PTK2B: variants seen among roughly 807,000 people sequenced by gnomAD.
PTK2B encodes protein-tyrosine kinase 2-beta.
Under a neutral mutation model 142.9 loss-of-function variants are expected in PTK2B, and 71 were observed. That is an observed-to-expected ratio of 0.50 (90% confidence interval 0.41 to 0.61). PTK2B has a LOEUF of 0.61. Ranked by LOEUF, PTK2B falls within the 20% of genes least tolerant of loss-of-function variation. The pLI is 0.00. For missense variants in PTK2B, 1,105 were observed against 1,320.4 expected, an observed-to-expected ratio of 0.84 and a Z score of 2.53; for synonymous variants, 519 against 503.4, an observed-to-expected ratio of 1.03 and a Z score of -0.42.
chr8:27,457,788 A>G (rs1812225447), intron 30 of PTK2B, among the ~76,000 whole-genome samples: 1 of 152,144 alleles, frequency 6.6e-6, no homozygotes, highest in Non-Finnish European at 1.5e-5. Context: ...CAGCCTGGCC[A>G]ACATGGTGAA....
intron 3 of PTK2B, among the ~76,000 whole-genome samples, chr8:27,313,981 C>T (rs530965324): frequency 2.0e-5 from 3 of 152,196 alleles, no homozygotes; most frequent in Non-Finnish European, 4.4e-5. Context: ...AAACCATCAC[C>T]TGGCATTCTT....
intron 1 of PTK2B, among the ~76,000 whole-genome samples, chr8:27,381,877 GTAGTTTTGA>G (rs1005324014): frequency 6.6e-6 from 1 of 152,132 alleles, no homozygotes; most frequent in African/African-American, 2.4e-5. Flanking sequence ...CTATCTCATT[GTAGTTTTGA>G]TTCATATTTC....
intron 29 of PTK2B, 95 bp from the exon 30 acceptor site, chr8:27,454,436 G>C (rs1316428895): frequency 6.4e-7 from 1 of 1,555,042 alleles, no homozygotes; most frequent in East Asian, 2.3e-5. Context: ...CACTCGCGGG[G>C]GACAAGCACC....
At chr8:27,355,122 C>T (rs1021292918) in intron 1 of PTK2B, among the ~76,000 whole-genome samples, 7 of 152,184 alleles carry the variant, frequency 4.6e-5, no homozygotes, top group African/African-American at 1.7e-4. Context: ...GCATCCTAAT[C>T]CCAGAACTTG....
upstream of PTK2B, chr8:27,322,729 T>G (rs535649683): frequency 6.6e-6 from 1 of 152,330 alleles, no homozygotes; most frequent in African/African-American, 2.4e-5. Flanking sequence ...TCTTCCCTCT[T>G]GACTGGATCC....
chr8:27,437,335 C>T (rs1413056561), intron 16 of PTK2B, 61 bp from the exon 17 acceptor site: 1 of 1,556,394 alleles, frequency 6.4e-7, no homozygotes, highest in African/African-American at 1.4e-5. Flanking sequence ...AGAGCAAAGG[C>T]CTTTTCTGAA....
intron 2 of PTK2B, among the ~76,000 whole-genome samples, chr8:27,412,390 G>A (rs1809123840): frequency 6.6e-6 from 1 of 152,134 alleles, no homozygotes; most frequent in Admixed American, 6.6e-5. Context: ...AACCCACAGT[G>A]AAGGACAAAG....
chr8:27,377,667 A>T (rs1806755362), intron 1 of PTK2B, among the ~76,000 whole-genome samples: 1 of 152,194 alleles, frequency 6.6e-6, no homozygotes, highest in African/African-American at 2.4e-5. Flanking sequence ...GAGCTAGTAC[A>T]CTGTGAGCTC....
At chr8:27,330,997 G>A (rs1182445580) in intron 1 of PTK2B, among the ~76,000 whole-genome samples, 1 of 152,102 alleles carries the variant, frequency 6.6e-6, no homozygotes, top group African/African-American at 2.4e-5. Flanking sequence ...TTCCTAGCTT[G>A]GCTGTGTTCG....
intron 1 of PTK2B, among the ~76,000 whole-genome samples, chr8:27,372,295 A>G (rs1475656800): frequency 1.3e-5 from 2 of 152,216 alleles, no homozygotes; most frequent in African/African-American, 4.8e-5. Context: ...GATTTATTAT[A>G]AGGAATTGGC....
Position 27,436,448 on chromosome 8 carries a change from A to C in PTK2B, c.1341+100A>C, listed in dbSNP as rs568007179. 23 of 1,186,358 alleles carry C rather than the reference A, an allele frequency of 1.9e-5. No homozygotes were observed. In the East Asian group the frequency reaches 4.0e-4, roughly 21 times the overall value. 73.5% of individuals were successfully genotyped at this position (1,186,358 alleles called of 1,614,324 possible). On this transcript the variant is annotated intron_variant, in intron 15 of 30. Transcript: ENST00000346049. Reference sequence around the variant, plus strand: ...GTTGGAGTTGGCACAGCCTTCATCCACTTGGGGCCCCTTGTCCCTAAGGGC... The same window carrying C: ...GTTGGAGTTGGCACAGCCTTCATCCCCTTGGGGCCCCTTGTCCCTAAGGGC...
chr8:27,430,407 G>C lies in PTK2B; in HGVS notation c.658G>C (p.Glu220Gln). 1 of 1,614,182 alleles carries C rather than the reference G, an allele frequency of 6.2e-7. No individual in the cohort carries two copies. Among genetic ancestry groups the C allele is most frequent in the South Asian group, 1.1e-5 (1 of 91,086 alleles). ...CTTGTTTTTCCCAAAGCAGATGCAG[G>C]AGAACTTAAAGGTGAGGAAACCAAT... ...LDLFFPKQMQ[E>Q]NLKPKQFRKM... Residue 220 changes from glutamate to glutamine, a missense_variant, in exon 7 of 31, where the codon GAG (glutamate) becomes CAG (glutamine). By Grantham distance (29) the Glu-to-Gln change is conservative (BLOSUM62 2). Coordinates refer to ENST00000346049, the MANE Select transcript of PTK2B (RefSeq NM_173176.3).
chr8:27,446,375 G>A (rs551755891), intron 24 of PTK2B, among the ~76,000 whole-genome samples: 1 of 152,280 alleles, frequency 6.6e-6, no homozygotes, highest in East Asian at 1.9e-4. Flanking sequence ...CTTTTGTTCA[G>A]GCTGCTGCTG....
chr8:27,432,447 G>A, intron 10 of PTK2B, 86 bp downstream of exon 10: 7 of 1,244,342 alleles, frequency 5.6e-6, no homozygotes, highest in African/African-American at 1.5e-5. Context: ...CCAAAAGTCT[G>A]TGACACACAG....
At chr8:27,458,087 G>GTTCTGAGAT (rs2132609456) in intron 30 of PTK2B, among the ~76,000 whole-genome samples, 1 of 152,232 alleles carries the variant, frequency 6.6e-6, no homozygotes, top group Non-Finnish European at 1.5e-5. Flanking sequence ...GGTTGGCTGG[G>GTTCTGAGAT]TTCTGAGATG....
At chr8:27,421,147 C>T (rs538482171) in intron 4 of PTK2B, among the ~76,000 whole-genome samples, 1 of 152,270 alleles carries the variant, frequency 6.6e-6, no homozygotes, top group South Asian at 2.1e-4. Context: ...AAGCTGTTTC[C>T]TCTGCTGTAA....
chr8:27,424,847 C>T (rs548007666), intron 5 of PTK2B, among the ~76,000 whole-genome samples: 1 of 148,174 alleles, frequency 6.7e-6, no homozygotes, highest in Non-Finnish European at 1.5e-5. Flanking sequence ...AGGTCACCTG[C>T]CTATAGATAT....
At chr8:27,342,383 C>A (rs1804457253) in intron 1 of PTK2B, among the ~76,000 whole-genome samples, 1 of 152,000 alleles carries the variant, frequency 6.6e-6, no homozygotes, top group Non-Finnish European at 1.5e-5. Flanking sequence ...ACCTCCCAGG[C>A]CCAAATGATC....
intron 3 of PTK2B, among the ~76,000 whole-genome samples, chr8:27,318,604 TGTGGCAA>T (rs1325876798): frequency 6.6e-6 from 1 of 152,122 alleles, no homozygotes; most frequent in East Asian, 1.9e-4. Flanking sequence ...ATGTGTCCTC[TGTGGCAA>T]CCATGTGTCC....
Sources: allele counts gnomAD v4.1 joint callset (sites outside exome capture counted in the v4.1 genomes callset), GRCh38; gene constraint gnomAD v4.1.1; transcripts MANE v1.5; gene names NCBI Gene and HGNC (gene_info 2026-07-23, HGNC 2026-07-21).